The following SMARCD3 variants were observed in gnomAD, a reference collection of about 807,000 sequenced individuals.
SMARCD3 encodes the protein SWI/SNF related BAF chromatin remodeling complex subunit D3.
A neutral mutation model predicts 58.0 loss-of-function variants in SMARCD3; 14 were observed. That is an observed-to-expected ratio of 0.24 (90% confidence interval 0.16 to 0.38). The LOEUF (loss-of-function observed/expected upper bound fraction) is 0.38, where lower values mean the gene tolerates loss of function less well. Ranked by LOEUF, SMARCD3 falls within the 10% of genes least tolerant of loss-of-function variation. The pLI is 1.00. For missense variants in SMARCD3, 408 were observed against 636.9 expected, an observed-to-expected ratio of 0.64 and a Z score of 3.87; for synonymous variants, 253 against 253.8, an observed-to-expected ratio of 1.00 and a Z score of 0.03.
upstream of SMARCD3, among the ~76,000 whole-genome samples, chr7:151,249,876 A>T (rs115701955): frequency 0.011 from 1,736 of 152,086 alleles, 30 homozygotes; most frequent in African/African-American, 0.036. This position sits in a 1 kb window ranked among gnomAD's most constrained non-coding sequence, Gnocchi z 4.8. Flanking sequence ...ATACCCAGGC[A>T]GGGAGTCCTG....
chr7:151,239,325 C>T lies in SMARCD3; in HGVS notation c.1398+71G>A. ...ACTGTGGGGAGCTGCGAGGGCTGCC[C>T]ACAAGCTGAACAGGGAGGTTTCTCT... On this transcript the variant is annotated intron_variant, in intron 12 of 12. Transcript: ENST00000262188. This position sits in a 1 kb window ranked among gnomAD's most constrained non-coding sequence, Gnocchi z 7.0. The T allele has an allele frequency of 7.1e-7, 1 of 1,412,062 alleles. No homozygotes were observed. The allele number at this position is 1,412,062 out of a possible 1,614,324, so 87.5% of individuals were successfully genotyped here.
Position 151,269,170 on chromosome 7 carries a change from G to A in SMARCD3, c.39+5944C>T, listed in dbSNP as rs1795083606. Among the ~76,000 whole-genome samples the A allele has an allele frequency of 3.3e-5, 5 of 152,340 alleles. 1 individual carries two copies. The South Asian group carries it at 1.0e-3, about 32-fold the overall frequency. On this transcript the variant is annotated intron_variant, in intron 2 of 13. Coordinates refer to the SMARCD3 transcript ENST00000356800. ...AAGATGCAAGTGAGGTGATGGTGAA[G>A]GGGGAGTTAGAAGGGAAACTGAGGC... is the stretch of plus-strand genomic sequence containing the variant.
intron 1 of SMARCD3, among the ~76,000 whole-genome samples, chr7:151,276,463 C>A (rs1795346154): frequency 8.0e-6 from 1 of 124,594 alleles, no homozygotes; most frequent in Non-Finnish European, 1.7e-5. Context: ...AGGAGGGTGC[C>A]AGACGAGGGA....
chr7:151,240,941 A>C (rs1802957190), intron 8 of SMARCD3: 1 of 238,146 alleles, frequency 4.2e-6, no homozygotes, highest in Non-Finnish European at 8.3e-6. Context: ...GGCACATGGT[A>C]AGTGCCCAAT....
In SMARCD3 at chr7:151,247,011, G is replaced by A. The variant is rs530602662; in HGVS notation, c.79-1340C>T. ...TCCCTCCTGGTCCTCCAGGCTCTGT[G>A]TCTAACCCTAATGTCCTCCCACCCT... is the stretch of plus-strand genomic sequence containing the variant. On this transcript the variant is annotated intron_variant, in intron 1 of 12. Coordinates refer to ENST00000262188, the MANE Select transcript of SMARCD3 (RefSeq NM_001003801.2). Among the ~76,000 whole-genome samples, 3 of 152,188 alleles carry A rather than the reference G, an allele frequency of 2.0e-5. No homozygotes were observed. The South Asian group carries it at 6.2e-4, about 31-fold the overall frequency.
intron 2 of SMARCD3, among the ~76,000 whole-genome samples, chr7:151,260,645 C>T (rs547026381): frequency 1.3e-5 from 2 of 152,256 alleles, no homozygotes; most frequent in African/African-American, 4.8e-5. Context: ...GGACCTCAGT[C>T]GGCTATCCTT....
In SMARCD3 at chr7:151,246,228, CCTT is replaced by C. The variant is rs1803257821; in HGVS notation, c.79-560_79-558del. The C allele has an allele frequency of 6.5e-6, 1 of 153,236 alleles. No homozygotes were observed. Among genetic ancestry groups the C allele is most frequent in the Non-Finnish European group, 1.5e-5 (1 of 68,844 alleles). 9.5% of individuals were successfully genotyped at this position (153,236 alleles called of 1,614,324 possible). ...GACTTCTGCTCCTCCTCCTGCTCCT[CCTT>C]CTCAGGCTCCACTTCTTGGGCGGTT... is the stretch of plus-strand genomic sequence containing the variant. On this transcript the variant is annotated intron_variant, in intron 1 of 12. Coordinates refer to ENST00000262188, the MANE Select transcript of SMARCD3 (RefSeq NM_001003801.2). This position sits in a 1 kb window ranked among gnomAD's most constrained non-coding sequence, Gnocchi z 4.4.
chr7:151,244,058 G>A (rs1803136554), intron 2 of SMARCD3, among the ~76,000 whole-genome samples: 1 of 152,238 alleles, frequency 6.6e-6, no homozygotes, highest in African/African-American at 2.4e-5. Flanking sequence ...AAAGGAGAGG[G>A]AAGCCAGGTT....
chr7:151,256,834 A>G (rs1173167497), intron 2 of SMARCD3, among the ~76,000 whole-genome samples: 1 of 152,078 alleles, frequency 6.6e-6, no homozygotes, highest in Non-Finnish European at 1.5e-5. Flanking sequence ...GCCTGCCAGC[A>G]GCTGATCCCG....
chr7:151,248,344 C>A lies in SMARCD3; in HGVS notation c.78+141G>T, dbSNP rs1231342328. On this transcript the variant is annotated intron_variant, in intron 1 of 12. Coordinates refer to ENST00000262188, the MANE Select transcript of SMARCD3 (RefSeq NM_001003801.2). This position sits in a 1 kb window ranked among gnomAD's most constrained non-coding sequence, Gnocchi z 6.1. ...TCGGGTGCCAGGGCGCCAGCACAGT[C>A]CCGCGGCCGGGCCGTGGGCCATGAC... 2 of 748,416 alleles carry A rather than the reference C, an allele frequency of 2.7e-6. No homozygotes were observed. Among genetic ancestry groups the A allele is most frequent in the Non-Finnish European group, 4.5e-6 (2 of 448,198 alleles). The allele number at this position is 748,416 out of a possible 1,614,324, so 46.4% of individuals were successfully genotyped here. A position where few individuals can be genotyped will look rare whatever the true frequency, so the allele number is the denominator to read the frequency against.
chr7:151,245,598 A>T lies in SMARCD3; in HGVS notation c.152T>A (p.Met51Lys), dbSNP rs1460493465. 6.9e-6 allele frequency: 8 copies of T among 1,153,032 alleles called. No homozygotes were observed. The highest frequency in any genetic ancestry group is 8.7e-6 in the Non-Finnish European group (8 of 920,580). The allele number at this position is 1,153,032 out of a possible 1,614,324, so 71.4% of individuals were successfully genotyped here. A position where few individuals can be genotyped will look rare whatever the true frequency, so the allele number is the denominator to read the frequency against. Reference sequence around the variant, plus strand: ...GCCGGGTCGCACGGCGGGGCTGCCCATGTACGGGGAGCCCGGGGGGCCCAT... The same window carrying T: ...GCCGGGTCGCACGGCGGGGCTGCCCTTGTACGGGGAGCCCGGGGGGCCCAT... ...APMGPPGSPYMGSPAVRPGLA... is the reference protein window; with the variant it reads ...APMGPPGSPYKGSPAVRPGLA... The change falls in exon 2 of 13, where the codon ATG (methionine) becomes AAG (lysine). Residue 51 changes from methionine (M) to lysine (K), a missense_variant. Transcript: ENST00000262188. This position sits in a 1 kb window ranked among gnomAD's most constrained non-coding sequence, Gnocchi z 6.2.
In SMARCD3 at chr7:151,239,616, C is replaced by T; in HGVS notation, c.1296+8G>A. On this transcript the variant is annotated splice_region_variant and intron_variant, in intron 11 of 12. Coordinates refer to ENST00000262188, the MANE Select transcript of SMARCD3 (RefSeq NM_001003801.2). This position sits in a 1 kb window ranked among gnomAD's most constrained non-coding sequence, Gnocchi z 7.0. ...CCACTCCAGTACTCCCTGAGTCTCCCTCTTCACCTTGAGGTCCCGGCTCTG... is the reference window on the plus strand; with the variant it reads ...CCACTCCAGTACTCCCTGAGTCTCCTTCTTCACCTTGAGGTCCCGGCTCTG... 1 of 1,614,120 alleles carries T rather than the reference C, an allele frequency of 6.2e-7. No individual in the cohort carries two copies. Among genetic ancestry groups the T allele is most frequent in the Non-Finnish European group, 8.5e-7 (1 of 1,180,018 alleles).
At chr7:151,254,462 T>A (rs559954332) in intron 2 of SMARCD3, 4 of 152,634 alleles carry the variant, frequency 2.6e-5, no homozygotes, top group Admixed American at 2.6e-4. Flanking sequence ...GACATGAGGG[T>A]GCTGCTGCCT....
intron 2 of SMARCD3, among the ~76,000 whole-genome samples, chr7:151,254,643 C>T (rs1032666130): frequency 2.0e-5 from 3 of 152,210 alleles, no homozygotes; most frequent in African/African-American, 7.2e-5. Flanking sequence ...CCCCAGCCCT[C>T]CTCTTTCTTA....
chr7:151,274,965 G>C, intron 2 of SMARCD3: 1 of 639,930 alleles, frequency 1.6e-6, no homozygotes, highest in Non-Finnish European at 2.8e-6. Context: ...GAGGGACAGA[G>C]AGGCCCTGCC....
At chr7:151,248,749 G>T, upstream of SMARCD3, 1 of 1,116,396 alleles carries the variant, frequency 9.0e-7, no homozygotes. This position sits in a 1 kb window ranked among gnomAD's most constrained non-coding sequence, Gnocchi z 6.1. Context: ...CGCCGCCGCC[G>T]CCCGCCCGCC....
At chr7:151,271,570 G>A (rs903130825) in intron 2 of SMARCD3, among the ~76,000 whole-genome samples, 3 of 152,054 alleles carry the variant, frequency 2.0e-5, no homozygotes, top group Admixed American at 6.6e-5. Flanking sequence ...CCCCTACCTG[G>A]AGAATGTGAC....
chr7:151,264,166 C>T (rs1279639975), intron 2 of SMARCD3, among the ~76,000 whole-genome samples: 1 of 151,040 alleles, frequency 6.6e-6, no homozygotes, highest in Non-Finnish European at 1.5e-5. Flanking sequence ...TCAAGCGATT[C>T]TCCTGCCTCA....
At position 151,245,880 on chromosome 7, in the gene SMARCD3, T is replaced by C. The variant is rs1803236714; in HGVS notation, c.79-209A>G. 1.3e-5 allele frequency: 5 copies of C among 378,188 alleles called. No individual in the cohort carries two copies. The East Asian group carries it at 1.9e-4, about 14-fold the overall frequency. The allele number at this position is 378,188 out of a possible 1,614,324, so 23.4% of individuals were successfully genotyped here. A position where few individuals can be genotyped will look rare whatever the true frequency, so the allele number is the denominator to read the frequency against. ...CTGGCGGAGGGGCTTGGCGTCTGGC[T>C]GCAGGAAGCTAACTGAAGCCAGGCA... On this transcript the variant is annotated intron_variant, in intron 1 of 12. Coordinates refer to ENST00000262188, the MANE Select transcript of SMARCD3 (RefSeq NM_001003801.2). This position sits in a 1 kb window ranked among gnomAD's most constrained non-coding sequence, Gnocchi z 6.2.
Sources: gnomAD v4.1 joint callset for allele counts (sites outside exome capture counted in the v4.1 genomes callset) on GRCh38, gnomAD v4.1.1 for gene constraint, Gnocchi (gnomAD v3.1) non-coding constraint, MANE v1.5 for transcripts, NCBI Gene and HGNC (gene_info 2026-07-23, HGNC 2026-07-21) for gene names.